Variants in ARHGAP42 observed in about 807,000 individuals in gnomAD.
The protein encoded by ARHGAP42 is Rho GTPase activating protein 42.
ARHGAP42 carries 63 observed loss-of-function variants against 125.0 expected under a neutral mutation model. That is an observed-to-expected ratio of 0.50 (90% CI 0.41 to 0.62). The LOEUF is 0.62. ARHGAP42 is among the 20% of genes least tolerant of loss of function. The pLI, the probability that ARHGAP42 is intolerant of heterozygous loss-of-function variation, is 0.00. For synonymous variants in ARHGAP42, 339 were observed against 351.0 expected, an observed-to-expected ratio of 0.97 and a Z score of 0.38; for missense variants, 766 against 1,024.2, an observed-to-expected ratio of 0.75 and a Z score of 3.44.
At chr11:100,889,334 C>G (rs929884748) in intron 4 of ARHGAP42, among the ~76,000 whole-genome samples, 17 of 152,076 alleles carry the variant, frequency 1.1e-4, no homozygotes, top group Admixed American at 1.3e-4. Context: ...GGATTAATGC[C>G]ATAATGAAAG....
rs398045483 is a variant in ARHGAP42 at position 100,808,395 on chromosome 11, CT to C, written c.312+13250del. On this transcript the variant is annotated intron_variant, in intron 3 of 23. Coordinates refer to ENST00000298815, the MANE Select transcript of ARHGAP42 (RefSeq NM_152432.4). ...TTTTTGGGATAATTATAAATTCACTCTTTTTTTTTTTTTTTTTTTTTGAGAC... is the reference window on the plus strand; with the variant it reads ...TTTTTGGGATAATTATAAATTCACTCTTTTTTTTTTTTTTTTTTTTGAGAC... 5.0e-3 allele frequency among the ~76,000 whole-genome samples: 591 copies of C among 118,758 alleles called. 4 individuals are homozygous for C. Among genetic ancestry groups the C allele is most frequent in the Middle Eastern group, 0.048 (9 of 186 alleles). The allele number at this position is 118,758 out of a possible 152,430, so 77.9% of individuals were successfully genotyped here.
chr11:100,831,377 A>C (rs1289246640), intron 3 of ARHGAP42, among the ~76,000 whole-genome samples: 1 of 152,186 alleles, frequency 6.6e-6, no homozygotes, highest in Non-Finnish European at 1.5e-5. Context: ...ATAAAAGTAA[A>C]ATTTTACTAA....
Position 100,859,636 on chromosome 11 carries a change from C to A in ARHGAP42, c.384+11C>A. ...ATAGGTGCAGCAAAAGTAAGTGTTACATTTTATTATTCTTCAGTTATTCTC... is the reference window on the plus strand; with the variant it reads ...ATAGGTGCAGCAAAAGTAAGTGTTAAATTTTATTATTCTTCAGTTATTCTC... On this transcript the variant is annotated intron_variant, in intron 4 of 23. Transcript: ENST00000298815. 1.4e-6 allele frequency: 2 copies of A among 1,456,960 alleles called. No individual in the cohort carries two copies. Among genetic ancestry groups the A allele is most frequent in the Non-Finnish European group, 1.8e-6 (2 of 1,099,110 alleles). 90.3% of individuals were successfully genotyped at this position (1,456,960 alleles called of 1,614,324 possible).
At chr11:100,846,543 C>G (rs1378530689) in intron 3 of ARHGAP42, among the ~76,000 whole-genome samples, 2 of 152,130 alleles carry the variant, frequency 1.3e-5, no homozygotes, top group African/African-American at 4.8e-5. Flanking sequence ...AAGCTTATAT[C>G]AATAAATATT....
intron 10 of ARHGAP42, among the ~76,000 whole-genome samples, chr11:100,947,048 A>G (rs186416744): frequency 6.6e-6 from 1 of 151,934 alleles, no homozygotes; most frequent in African/African-American, 2.4e-5. Context: ...TTTAAGATCC[A>G]CTTACTAAGT....
chr11:100,957,719 G>T (rs1165515723), intron 12 of ARHGAP42, among the ~76,000 whole-genome samples: 2 of 152,064 alleles, frequency 1.3e-5, no homozygotes, highest in African/African-American at 4.8e-5. Flanking sequence ...TGTCAGAACG[G>T]CAGCATCCGT....
chr11:100,992,936 G>T lies in ARHGAP42; in HGVS notation c.*4135G>T, dbSNP rs1858879680. ...ACTCATGAGAGAGATGCCAAGTTCA[G>T]TGTGGATTTTTCTTGGTGCTCTATG... On this transcript the variant is annotated 3_prime_UTR_variant, in exon 24 of 24. Coordinates refer to ENST00000298815, the MANE Select transcript of ARHGAP42 (RefSeq NM_152432.4). 1 of 467,456 alleles carries T rather than the reference G, an allele frequency of 2.1e-6. No homozygotes were observed. Among genetic ancestry groups the T allele is most frequent in the East Asian group, 3.6e-5 (1 of 27,794 alleles). 29.0% of individuals were successfully genotyped at this position (467,456 alleles called of 1,614,324 possible).
chr11:100,979,774 A>G (rs1858484862), intron 22 of ARHGAP42, among the ~76,000 whole-genome samples: 1 of 152,134 alleles, frequency 6.6e-6, no homozygotes. Context: ...GAGCATATAA[A>G]TGTGAGAACT....
chr11:100,850,985 G>C (rs1190305789), intron 3 of ARHGAP42, among the ~76,000 whole-genome samples: 1 of 143,890 alleles, frequency 6.9e-6, no homozygotes, highest in African/African-American at 2.6e-5. Context: ...AGGTTCAAAT[G>C]ATTCTTATGC....
At chr11:100,769,942 A>C (rs952386812) in intron 1 of ARHGAP42, among the ~76,000 whole-genome samples, 1 of 152,080 alleles carries the variant, frequency 6.6e-6, no homozygotes, top group South Asian at 2.1e-4. Context: ...ACGTTTACCT[A>C]TGTAACAAAA....
At chr11:100,875,401 A>G (rs965378152) in intron 4 of ARHGAP42, among the ~76,000 whole-genome samples, 3 of 151,892 alleles carry the variant, frequency 2.0e-5, no homozygotes, top group African/African-American at 4.8e-5. Context: ...TGGGGAAAGG[A>G]CGTTGCAATT....
chr11:100,871,917 A>G (rs1299289966), intron 4 of ARHGAP42, among the ~76,000 whole-genome samples: 4 of 152,226 alleles, frequency 2.6e-5, no homozygotes, highest in East Asian at 1.9e-4. Context: ...CTAATTTTGT[A>G]TTTTTAGTAG....
chr11:100,904,924 G>A (rs945835323), intron 4 of ARHGAP42, among the ~76,000 whole-genome samples: 1 of 152,094 alleles, frequency 6.6e-6, no homozygotes, highest in Non-Finnish European at 1.5e-5. Flanking sequence ...ACTGTTAATT[G>A]TTCTCCCAGT....
At chr11:100,699,960 G>A (rs916075750) in intron 1 of ARHGAP42, among the ~76,000 whole-genome samples, 1 of 152,096 alleles carries the variant, frequency 6.6e-6, no homozygotes, top group African/African-American at 2.4e-5. Context: ...GGGTATTCTT[G>A]GCTTGTAGAT....
intron 1 of ARHGAP42, among the ~76,000 whole-genome samples, chr11:100,698,082 G>T (rs903489916): frequency 1.3e-5 from 2 of 152,024 alleles, no homozygotes; most frequent in Non-Finnish European, 2.9e-5. Flanking sequence ...GTAGAGATAG[G>T]ATCTTGCTAT....
chr11:100,975,919 C>G, intron 19 of ARHGAP42, 138 bp from the exon 20 acceptor site: 1 of 881,968 alleles, frequency 1.1e-6, no homozygotes, highest in Non-Finnish European at 1.6e-6. Context: ...GTTCTCCGTA[C>G]TAGGTAGGGG....
chr11:100,700,333 G>A (rs1861375292), intron 1 of ARHGAP42, among the ~76,000 whole-genome samples: 1 of 152,142 alleles, frequency 6.6e-6, no homozygotes. Flanking sequence ...ACTGATCAGG[G>A]TGGTGGCTGG....
chr11:100,813,428 T>C lies in ARHGAP42; in HGVS notation c.312+18262T>C, dbSNP rs192298975. Among the ~76,000 whole-genome samples the C allele has an allele frequency of 4.9e-3, 751 of 152,272 alleles. 7 individuals carry two copies. The highest frequency in any genetic ancestry group is 7.1e-3 in the Non-Finnish European group (483 of 68,016). ...GAGGGACTGTAGGGGGTAACAGGTGTGGTGAGTGTTATCAAGCATTTTCTT... is the reference window on the plus strand; with the variant it reads ...GAGGGACTGTAGGGGGTAACAGGTGCGGTGAGTGTTATCAAGCATTTTCTT... On this transcript the variant is annotated intron_variant, in intron 3 of 23. Coordinates refer to ENST00000298815, the MANE Select transcript of ARHGAP42 (RefSeq NM_152432.4).
intron 3 of ARHGAP42, among the ~76,000 whole-genome samples, chr11:100,799,929 T>G (rs1863812364): frequency 6.6e-6 from 1 of 152,134 alleles, no homozygotes; most frequent in Admixed American, 6.5e-5. Flanking sequence ...GAGAATAGTG[T>G]TATGAAGGAG....
Sources: gnomAD v4.1 joint callset for allele counts (sites outside exome capture counted in the v4.1 genomes callset) on GRCh38, gnomAD v4.1.1 for gene constraint, MANE v1.5 for transcripts, NCBI Gene and HGNC (gene_info 2026-07-23, HGNC 2026-07-21) for gene names.